PLCB4: variants seen among roughly 807,000 people sequenced by gnomAD.
PLCB4 encodes 1-phosphatidylinositol 4,5-bisphosphate phosphodiesterase beta-4.
In PLCB4, 77 loss-of-function variants were observed where a neutral mutation model predicts 178.8. That is an observed-to-expected ratio of 0.43 (90% CI 0.36 to 0.52). The LOEUF is 0.52. PLCB4 is among the 20% of genes least tolerant of loss of function. The pLI is 0.00. For missense variants in PLCB4, 1,024 were observed against 1,453.4 expected (o/e 0.70, Z 4.80); for synonymous variants, 496 against 490.8 (o/e 1.01, Z -0.14).
intron 25 of PLCB4, 60 bp from the exon 26 acceptor site, chr20:9,419,747 A>G: frequency 9.9e-7 from 1 of 1,006,812 alleles, no homozygotes; most frequent in Non-Finnish European, 1.6e-6. Flanking sequence ...TGTTTCAACT[A>G]GCGAGTGTTT....
rs2042007478 is a variant in PLCB4, at chr20:9,439,912, C to T, written c.2764+2760C>T. Among the ~76,000 whole-genome samples, 4 of 152,318 alleles carry T rather than the reference C, an allele frequency of 2.6e-5. No homozygotes were observed. In the South Asian group the frequency reaches 6.2e-4, roughly 24 times the overall value. On this transcript the variant is annotated intron_variant, in intron 30 of 39. Coordinates refer to ENST00000378473, the MANE Select transcript of PLCB4 (RefSeq NM_001377142.1). ...GTCAGTAATTTAAATAAGTAAGCATCTATTATAGCTCATGAGGTTGTCTGG... is the reference window on the plus strand; with the variant it reads ...GTCAGTAATTTAAATAAGTAAGCATTTATTATAGCTCATGAGGTTGTCTGG...
Position 9,436,911 on chromosome 20 carries a change from A to G in PLCB4, c.2614-91A>G, listed in dbSNP as rs2041808489. On this transcript the variant is annotated intron_variant, in intron 29 of 39. Transcript: ENST00000378473. ...TAGAAGTCTAGGAAGAGTATGGTAGAAGTTTACTGGATTCAGTAAAATAAA... is the reference window on the plus strand; with the variant it reads ...TAGAAGTCTAGGAAGAGTATGGTAGGAGTTTACTGGATTCAGTAAAATAAA... 4.2e-6 allele frequency: 5 copies of G among 1,203,434 alleles called. No homozygotes were observed. The Admixed American group carries it at 8.3e-5, about 20-fold the overall frequency. The allele number at this position is 1,203,434 out of a possible 1,614,324, so 74.5% of individuals were successfully genotyped here.
At chr20:9,110,475 T>C (rs1387106373) in intron 2 of PLCB4, among the ~76,000 whole-genome samples, 2 of 152,174 alleles carry the variant, frequency 1.3e-5, no homozygotes, top group African/African-American at 4.8e-5. Context: ...CTACACATTT[T>C]ACATTTCTCC....
chr20:9,366,433 C>G (rs900720101), intron 9 of PLCB4, among the ~76,000 whole-genome samples: 25 of 146,398 alleles, frequency 1.7e-4, no homozygotes, highest in African/African-American at 6.2e-4. Context: ...TGAGTGGAAT[C>G]AAGAATAAAG....
chr20:9,205,459 CTT>C (rs913637757), intron 2 of PLCB4, among the ~76,000 whole-genome samples: 3 of 152,250 alleles, frequency 2.0e-5, no homozygotes, highest in South Asian at 4.1e-4. Flanking sequence ...ACCTTTTTAA[CTT>C]TTAATTTTGA....
intron 2 of PLCB4, among the ~76,000 whole-genome samples, chr20:9,144,853 G>A (rs1325552925): frequency 6.6e-6 from 1 of 151,918 alleles, no homozygotes; most frequent in Non-Finnish European, 1.5e-5. Flanking sequence ...ATACACATAC[G>A]CAGCCAAAAG....
intron 1 of PLCB4, among the ~76,000 whole-genome samples, chr20:9,092,661 G>A (rs1171414436): frequency 6.6e-6 from 1 of 152,162 alleles, no homozygotes; most frequent in Non-Finnish European, 1.5e-5. Context: ...GGGAATCTAA[G>A]CATTTTGGGC....
intron 28 of PLCB4, among the ~76,000 whole-genome samples, chr20:9,426,122 G>GT (rs1012820139): frequency 2.7e-5 from 4 of 148,612 alleles, no homozygotes; most frequent in Admixed American, 6.6e-5. Context: ...AAAAAAAAAT[G>GT]TTTTTTTTCC....
intron 10 of PLCB4, among the ~76,000 whole-genome samples, chr20:9,371,828 T>C (rs1348833145): frequency 1.3e-5 from 2 of 152,226 alleles, no homozygotes; most frequent in Non-Finnish European, 2.9e-5. Context: ...CCTGGTACTA[T>C]TTTAATAAGT....
intron 3 of PLCB4, among the ~76,000 whole-genome samples, chr20:9,259,459 G>T (rs2094274124): frequency 6.6e-6 from 1 of 152,098 alleles, no homozygotes. Flanking sequence ...GAAATACAGG[G>T]ACTCTAATCT....
At chr20:9,097,173 G>A (rs2090944362) in intron 2 of PLCB4, among the ~76,000 whole-genome samples, 1 of 150,952 alleles carries the variant, frequency 6.6e-6, no homozygotes, top group Non-Finnish European at 1.5e-5. Flanking sequence ...CATCTCAAGT[G>A]AGCTGCCTAC....
intron 2 of PLCB4, among the ~76,000 whole-genome samples, chr20:9,143,791 T>C (rs1045535328): frequency 1.3e-5 from 2 of 152,118 alleles, no homozygotes; most frequent in African/African-American, 4.8e-5. Context: ...AGGAACAGCA[T>C]TGGCAAGAAA....
intron 2 of PLCB4, among the ~76,000 whole-genome samples, chr20:9,159,503 C>T (rs1260054847): frequency 6.6e-6 from 1 of 152,160 alleles, no homozygotes; most frequent in African/African-American, 2.4e-5. Context: ...TCTTAATTCC[C>T]AAGACCTCTT....
At chr20:9,327,311 A>G (rs2030783683) in intron 4 of PLCB4, among the ~76,000 whole-genome samples, 2 of 151,532 alleles carry the variant, frequency 1.3e-5, no homozygotes, top group South Asian at 4.2e-4. Flanking sequence ...GCCAGCCATG[A>G]TAGTGAATGC....
chr20:9,459,927 T>C (rs1903493855), intron 35 of PLCB4, 117 bp downstream of exon 35: 2 of 659,812 alleles, frequency 3.0e-6, no homozygotes, highest in East Asian at 5.5e-5. Flanking sequence ...AACATGTAGC[T>C]CTTTTGTGTA....
At chr20:9,285,937 C>G (rs1344863222) in intron 3 of PLCB4, among the ~76,000 whole-genome samples, 1 of 151,976 alleles carries the variant, frequency 6.6e-6, no homozygotes, top group Non-Finnish European at 1.5e-5. Context: ...TCTTTTCTAT[C>G]TTGGGAGCCT....
intron 2 of PLCB4, among the ~76,000 whole-genome samples, chr20:9,123,763 T>A (rs2092036241): frequency 6.6e-6 from 1 of 152,092 alleles, no homozygotes; most frequent in Admixed American, 6.6e-5. Context: ...TTTTCTTATA[T>A]AAATGACTTC....
chr20:9,415,250 A>C (rs2148535508), intron 25 of PLCB4, among the ~76,000 whole-genome samples: 1 of 152,220 alleles, frequency 6.6e-6, no homozygotes, highest in East Asian at 1.9e-4. Flanking sequence ...TTTTTATTTC[A>C]AATTTTTATT....
In PLCB4 at chr20:9,386,121, C is replaced by T. The variant is rs74970999; in HGVS notation, c.1065-1342C>T. Reference sequence around the variant, plus strand: ...TAGAAAAACCAGTCAGGCGTGGTGGCGCACACCCGCAATCCCAGGCACTTG... The same window carrying T: ...TAGAAAAACCAGTCAGGCGTGGTGGTGCACACCCGCAATCCCAGGCACTTG... On this transcript the variant is annotated intron_variant, in intron 14 of 39. Coordinates refer to ENST00000378473, the MANE Select transcript of PLCB4 (RefSeq NM_001377142.1). 1.4e-4 allele frequency among the ~76,000 whole-genome samples: 22 copies of T among 152,218 alleles called. No individual in the cohort carries two copies. In the East Asian group the frequency reaches 3.1e-3, roughly 21 times the overall value.
Sources: allele counts gnomAD v4.1 joint callset (sites outside exome capture counted in the v4.1 genomes callset), GRCh38; gene constraint gnomAD v4.1.1; transcripts MANE v1.5; gene names NCBI Gene and HGNC (gene_info 2026-07-23, HGNC 2026-07-21).